Variants in TRPM5 observed in about 807,000 individuals in gnomAD.
TRPM5 encodes the protein MLSN1 and TRP-related.
In TRPM5, 121 loss-of-function variants were observed where a neutral mutation model predicts 124.9. That is an observed-to-expected ratio of 0.97 (90% confidence interval 0.84 to 1.13). TRPM5 has a LOEUF of 1.13. TRPM5 is among the 50% of genes most tolerant of loss of function. The pLI is 0.00. For synonymous variants in TRPM5, 781 were observed against 700.5 expected (o/e 1.11, Z -1.81); for missense variants, 1,643 against 1,589.1 (o/e 1.03, Z -0.58).
the TRPM5 span, among the ~76,000 whole-genome samples, chr11:2,435,462 C>T: frequency 6.6e-6 from 1 of 152,088 alleles, no homozygotes; most frequent in South Asian, 2.1e-4. This position sits in a 1 kb window ranked among gnomAD's most constrained non-coding sequence, Gnocchi z 4.1. Flanking sequence ...GCCTGCCCAC[C>T]TGTCATTCAC....
chr11:2,434,256 T>A, the TRPM5 span, among the ~76,000 whole-genome samples: 1 of 151,106 alleles, frequency 6.6e-6, no homozygotes, highest in African/African-American at 2.4e-5. Context: ...GTGGACACTG[T>A]GTGTGCGTCT....
At chr11:2,410,566 C>T (rs1266244929) in intron 18 of TRPM5, 1 of 339,508 alleles carries the variant, frequency 2.9e-6, no homozygotes, top group East Asian at 1.0e-4. Context: ...TGAGTCCCAG[C>T]CATCCCAGGG....
At chr11:2,435,269 A>C in the TRPM5 span, among the ~76,000 whole-genome samples, 2 of 152,220 alleles carry the variant, frequency 1.3e-5, no homozygotes, top group African/African-American at 4.8e-5. The surrounding 1 kb of genome is among the most constrained non-coding windows in gnomAD (Gnocchi z 4.1). Flanking sequence ...TTTTATTTTT[A>C]AATGGGCGGG....
At chr11:2,425,314 C>A (rs1056061391), upstream of TRPM5, among the ~76,000 whole-genome samples, 4 of 152,274 alleles carry the variant, frequency 2.6e-5, no homozygotes, top group Non-Finnish European at 4.4e-5. Flanking sequence ...CGGGTCCTTC[C>A]CACCCTTTCC....
rs564412308 is a variant in TRPM5, at chr11:2,417,891, C to T, written c.907-62G>A. The stretch of plus-strand genomic sequence containing the variant: ...AGCCAGGACGGGGGCAGAGGCAGGC[C>T]GTGGTAGACACCAGCGTAGGCACAG... On this transcript the variant is annotated intron_variant, in intron 6 of 23. Transcript: ENST00000155858. 4.5e-5 allele frequency: 65 copies of T among 1,452,948 alleles called. No homozygotes were observed. The African/African-American group carries it at 6.2e-4, about 14-fold the overall frequency. The allele number at this position is 1,452,948 out of a possible 1,614,324, so 90.0% of individuals were successfully genotyped here.
chr11:2,406,955 G>A (rs1250134190), intron 20 of TRPM5, among the ~76,000 whole-genome samples, 162 bp from the exon 26 acceptor site: 2 of 152,196 alleles, frequency 1.3e-5, no homozygotes, highest in Admixed American at 6.5e-5. Flanking sequence ...GCCAAGCTGC[G>A]GGTGGACGGG....
exon 13 of TRPM5, chr11:2,413,522 C>G: frequency 6.2e-7 from 1 of 1,612,490 alleles, no homozygotes; most frequent in Non-Finnish European, 8.5e-7. Context: ...CAGAGGAAGG[C>G]TCCTAGCAGC....
intron 8 of TRPM5, 37 bp downstream of exon 13, chr11:2,415,869 C>A: frequency 6.9e-7 from 1 of 1,454,954 alleles, no homozygotes; most frequent in East Asian, 2.4e-5. Context: ...CGGGCAGTGC[C>A]ATGATGGGGA....
chr11:2,428,538 C>T, the TRPM5 span, among the ~76,000 whole-genome samples: 4 of 144,056 alleles, frequency 2.8e-5, no homozygotes, highest in African/African-American at 1.0e-4. This position sits in a 1 kb window ranked among gnomAD's most constrained non-coding sequence, Gnocchi z 4.0. Flanking sequence ...TCATGGGGAC[C>T]GTGCTGATGG....
chr11:2,414,024 C>CCCCCCCCCCCG, intron 12 of TRPM5, 37 bp downstream of exon 17: 1 of 1,539,894 alleles, frequency 6.5e-7, no homozygotes, highest in Non-Finnish European at 8.8e-7. Context: ...CCCACCCCAC[C>CCCCCCCCCCCG]CCCTGGCAGC....
At chr11:2,426,470 C>T (rs544465991), upstream of TRPM5, among the ~76,000 whole-genome samples, 2 of 152,246 alleles carry the variant, frequency 1.3e-5, no homozygotes, top group South Asian at 2.1e-4. Context: ...GAGCCCGGGA[C>T]AGCCAGGGGC....
chr11:2,440,856 C>T, the TRPM5 span, among the ~76,000 whole-genome samples: 2 of 152,182 alleles, frequency 1.3e-5, no homozygotes, highest in African/African-American at 4.8e-5. This position sits in a 1 kb window ranked among gnomAD's most constrained non-coding sequence, Gnocchi z 5.2. Context: ...AGCCCTGGCC[C>T]GCAGATGCTG....
At chr11:2,411,502 A>T (rs754088531) in exon 18 of TRPM5, 9 of 1,609,496 alleles carry the variant, frequency 5.6e-6, no homozygotes, top group Non-Finnish European at 7.6e-6. Context: ...CTCAGAAAGA[A>T]GAGGAAGAAG....
In TRPM5 at chr11:2,407,111, G is replaced by T. The variant is rs11022676; in HGVS notation, c.3118+8C>A. ...CACCCAGGTGCTCCCGCTTGTGCTC[G>T]GCCTCACCCAGGTGCTCCCGCTTGT... is the stretch of plus-strand genomic sequence containing the variant. On this transcript the variant is annotated splice_region_variant and intron_variant, in intron 20 of 23. Transcript: ENST00000155858. The T allele has an allele frequency of 3.1e-6, 4 of 1,280,948 alleles. No individual in the cohort carries two copies. Among genetic ancestry groups the T allele is most frequent in the Admixed American group, 4.4e-5 (2 of 45,966 alleles). 79.3% of individuals were successfully genotyped at this position (1,280,948 alleles called of 1,614,324 possible).
At chr11:2,408,030 G>C in intron 18 of TRPM5, 118 bp from the exon 24 acceptor site, 1 of 1,341,156 alleles carries the variant, frequency 7.5e-7, no homozygotes, top group East Asian at 2.5e-5. Flanking sequence ...CGGGGTGCTG[G>C]TTGGGTGACC....
intron 7 of TRPM5, among the ~76,000 whole-genome samples, chr11:2,416,234 C>T (rs979294406): frequency 2.6e-5 from 4 of 152,352 alleles, no homozygotes; most frequent in South Asian, 2.1e-4. Flanking sequence ...CCCTGGTCTG[C>T]GTCGGGACGG....
At chr11:2,441,478 G>C in the TRPM5 span, among the ~76,000 whole-genome samples, 3 of 151,424 alleles carry the variant, frequency 2.0e-5, no homozygotes, top group Non-Finnish European at 4.4e-5. This position sits in a 1 kb window ranked among gnomAD's most constrained non-coding sequence, Gnocchi z 7.2. Context: ...CTGCGCACCT[G>C]GCCTTACTCC....
rs1329487087 is a variant in TRPM5, at chr11:2,409,317, G to A, written c.2783-1405C>T. On this transcript the variant is annotated intron_variant, in intron 18 of 23. Transcript: ENST00000155858. ...TCCCTGCACTCTGGAGGAGCGGGCC[G>A]GGGCCAGCCTGGAGAGCCTGTTTGT... 3.9e-5 allele frequency among the ~76,000 whole-genome samples: 6 copies of A among 152,150 alleles called. No individual in the cohort carries two copies. In the South Asian group the frequency reaches 6.2e-4, roughly 16 times the overall value.
chr11:2,428,397 G>A, the TRPM5 span, among the ~76,000 whole-genome samples: 1 of 152,312 alleles, frequency 6.6e-6, no homozygotes, highest in Admixed American at 6.5e-5. The surrounding 1 kb of genome is among the most constrained non-coding windows in gnomAD (Gnocchi z 4.0). Flanking sequence ...GGGCGCTAAA[G>A]GACCATGGGC....
Sources: gnomAD v4.1 joint callset for allele counts (sites outside exome capture counted in the v4.1 genomes callset) on GRCh38, gnomAD v4.1.1 for gene constraint, Gnocchi (gnomAD v3.1) non-coding constraint, MANE v1.5 for transcripts, NCBI Gene and HGNC (gene_info 2026-07-23, HGNC 2026-07-21) for gene names.